The following PLCL1 variants were observed in gnomAD, a reference collection of about 807,000 sequenced individuals.
PLCL1 encodes the protein inactive phospholipase C-like protein 1.
A neutral mutation model predicts 84.4 loss-of-function variants in PLCL1; 41 were observed. The ratio of observed to expected loss-of-function variants is 0.49; its 90% CI spans 0.38 to 0.63. The LOEUF (loss-of-function observed/expected upper bound fraction) is 0.63, where lower values mean the gene tolerates loss of function less well. PLCL1 is among the 30% of genes least tolerant of loss of function. PLCL1 has a pLI of 0.00. For synonymous variants in PLCL1, 490 were observed against 488.3 expected (o/e 1.00, Z -0.05); for missense variants, 1,206 against 1,367.8 (o/e 0.88, Z 1.87).
intron 1 of PLCL1, among the ~76,000 whole-genome samples, chr2:197,825,513 G>C (rs1236126678): frequency 2.0e-5 from 3 of 152,112 alleles, no homozygotes; most frequent in Non-Finnish European, 4.4e-5. Flanking sequence ...GACTTTTCTT[G>C]CATCTTCTGT....
intron 5 of PLCL1, among the ~76,000 whole-genome samples, chr2:198,137,139 T>TA (rs796673841): frequency 1.2e-4 from 18 of 151,958 alleles, no homozygotes; most frequent in African/African-American, 3.4e-4. Flanking sequence ...CTAAATTAAA[T>TA]AAAAAAACAC....
At chr2:197,822,953 T>G (rs1690848464) in intron 1 of PLCL1, among the ~76,000 whole-genome samples, 1 of 152,220 alleles carries the variant, frequency 6.6e-6, no homozygotes, top group South Asian at 2.1e-4. Flanking sequence ...AAAGGTAGGC[T>G]TGATATGGCA....
At chr2:198,097,811 A>C (rs1693238066) in intron 3 of PLCL1, among the ~76,000 whole-genome samples, 1 of 152,190 alleles carries the variant, frequency 6.6e-6, no homozygotes, top group African/African-American at 2.4e-5. Flanking sequence ...TGTTGCATAC[A>C]CCAAAGGCAG....
intron 4 of PLCL1, 26 bp downstream of exon 4, chr2:198,101,386 G>T (rs1295723142): frequency 1.4e-4 from 159 of 1,104,804 alleles, no homozygotes; most frequent in East Asian, 8.6e-4. Context: ...TTTTTTTTCT[G>T]TTTTTTTTTT....
Position 197,804,703 on chromosome 2 carries a change from T to A in PLCL1, c.-397T>A, listed in dbSNP as rs1690427307. The A allele has an allele frequency of 6.3e-6, 1 of 158,242 alleles. No individual in the cohort carries two copies. 9.8% of individuals were successfully genotyped at this position (158,242 alleles called of 1,614,324 possible). ...CGCAGTCGCCCGGCTCTGGCCCCTA[T>A]CGGGCCGCCGGCGTCCGGGCTCCAG... On this transcript the variant is annotated 5_prime_UTR_variant, in exon 1 of 6. Transcript: ENST00000428675.
At chr2:198,079,398 T>C (rs1692655584) in intron 1 of PLCL1, among the ~76,000 whole-genome samples, 1 of 151,992 alleles carries the variant, frequency 6.6e-6, no homozygotes, top group Non-Finnish European at 1.5e-5. Context: ...AACAGTGTTG[T>C]AGAAAATAAT....
At chr2:198,146,026 C>T (rs539630827) in intron 5 of PLCL1, among the ~76,000 whole-genome samples, 114 of 152,276 alleles carry the variant, frequency 7.5e-4, no homozygotes, top group African/African-American at 2.4e-3. Flanking sequence ...TATCAGTATA[C>T]GCACTTTATC....
At chr2:198,028,731 C>T (rs150188910) in intron 1 of PLCL1, among the ~76,000 whole-genome samples, 1 of 152,120 alleles carries the variant, frequency 6.6e-6, no homozygotes, top group Non-Finnish European at 1.5e-5. Flanking sequence ...TCACCAAGTT[C>T]TCTAGCTTTT....
In PLCL1 at chr2:198,132,484, T is replaced by C. The variant is rs539853859; in HGVS notation, c.3106-14296T>C. On this transcript the variant is annotated intron_variant, in intron 5 of 5. Transcript: ENST00000428675. ...GGGGGGGAGTCCACATATTCAAAGT[T>C]CTAAGAAATCTCAACTACTGACATA... Among the ~76,000 whole-genome samples, 8 of 152,206 alleles carry C rather than the reference T, an allele frequency of 5.3e-5. No individual in the cohort carries two copies. The South Asian group carries it at 1.7e-3, about 32-fold the overall frequency.
At chr2:198,055,329 C>CTCTCTCTCTCTCTCTGTGTG (rs374518934) in intron 1 of PLCL1, among the ~76,000 whole-genome samples, 1 of 112,270 alleles carries the variant, frequency 8.9e-6, no homozygotes, top group African/African-American at 3.5e-5. Flanking sequence ...CTCTCTCTCT[C>CTCTCTCTCTCTCTCTGTGTG]TGTGTGTGTG....
intron 1 of PLCL1, among the ~76,000 whole-genome samples, chr2:197,838,509 A>C (rs908342408): frequency 2.0e-5 from 3 of 152,218 alleles, no homozygotes; most frequent in African/African-American, 7.2e-5. Flanking sequence ...TTAACTTGAA[A>C]AGTACTGGAT....
intron 5 of PLCL1, among the ~76,000 whole-genome samples, chr2:198,146,302 G>T (rs572628075): frequency 6.6e-6 from 1 of 152,252 alleles, no homozygotes; most frequent in African/African-American, 2.4e-5. Context: ...CCAAGCATAA[G>T]GGTATGTGAC....
At position 198,147,499 on chromosome 2, in the gene PLCL1, T is replaced by A. The variant is rs1574346824; in HGVS notation, c.*537T>A. 6.6e-6 allele frequency: 1 copy of A among 152,174 alleles called. No homozygotes were observed. Among genetic ancestry groups the A allele is most frequent in the Admixed American group, 6.6e-5 (1 of 15,254 alleles). The allele number at this position is 152,174 out of a possible 1,614,324, so 9.4% of individuals were successfully genotyped here. The stretch of plus-strand genomic sequence containing the variant: ...ATGTTTTGGTAGATTAAATATAGAT[T>A]AGAAAAATTCCTAAGAATCAGAGTA... On this transcript the variant is annotated 3_prime_UTR_variant, in exon 6 of 6. Coordinates refer to ENST00000428675, the MANE Select transcript of PLCL1 (RefSeq NM_006226.4).
chr2:197,880,204 G>C lies in PLCL1; in HGVS notation c.240+74865G>C, dbSNP rs148592146. Among the ~76,000 whole-genome samples, 28 of 152,262 alleles carry C rather than the reference G, an allele frequency of 1.8e-4. 1 individual carries two copies. In the East Asian group the frequency reaches 5.4e-3, roughly 29 times the overall value. On this transcript the variant is annotated intron_variant, in intron 1 of 5. Transcript: ENST00000428675. Reference sequence around the variant, plus strand: ...TTTTGGCAGTGCTTATGTATGAGCAGAGCAGTGATCTAATGATTATGAAAT... The same window carrying C: ...TTTTGGCAGTGCTTATGTATGAGCACAGCAGTGATCTAATGATTATGAAAT...
intron 1 of PLCL1, among the ~76,000 whole-genome samples, chr2:198,066,529 A>G (rs1692323711): frequency 6.6e-6 from 1 of 152,144 alleles, no homozygotes; most frequent in African/African-American, 2.4e-5. Flanking sequence ...CTCTCTTGCA[A>G]TCACCAAGTG....
intron 1 of PLCL1, among the ~76,000 whole-genome samples, chr2:197,992,716 C>T (rs1359943252): frequency 2.0e-5 from 3 of 152,134 alleles, no homozygotes; most frequent in Non-Finnish European, 4.4e-5. Context: ...TTTGCTCCTC[C>T]CTCCAGCTCC....
At chr2:198,121,657 T>C (rs993452208) in intron 5 of PLCL1, among the ~76,000 whole-genome samples, 17 of 152,026 alleles carry the variant, frequency 1.1e-4, no homozygotes. Flanking sequence ...TCTGTTCCAT[T>C]GGTCGATATG....
chr2:198,085,267 G>A lies in PLCL1; in HGVS notation c.1750G>A (p.Glu584Lys). ...GEQKQIRLCR[E>K]LSDLVSICKS... Reference sequence around the variant, plus strand: ...GCAGAAGCAAATCCGACTCTGTAGGGAGCTCTCTGATTTGGTGTCTATTTG... The same window carrying A: ...GCAGAAGCAAATCCGACTCTGTAGGAAGCTCTCTGATTTGGTGTCTATTTG... Residue 584 changes from glutamate to lysine, a missense_variant, in exon 2 of 6, where the codon GAG becomes AAG. Transcript: ENST00000428675. This position sits in a 1 kb window ranked among gnomAD's most constrained non-coding sequence, Gnocchi z 5.3. 1.9e-6 allele frequency: 3 copies of A among 1,614,020 alleles called. No homozygotes were observed. Among genetic ancestry groups the A allele is most frequent in the Middle Eastern group, 1.7e-4 (1 of 6,056 alleles).
rs184094894 is a variant in PLCL1 at position 198,063,168 on chromosome 2, G to C, written c.241-20590G>C. On this transcript the variant is annotated intron_variant, in intron 1 of 5. Coordinates refer to ENST00000428675, the MANE Select transcript of PLCL1 (RefSeq NM_006226.4). ...AGTACTTAATACTATACTTTACTGA[G>C]TTTTTTCCTCTTTATTTTCAATTTT... Among the ~76,000 whole-genome samples the C allele has an allele frequency of 2.8e-3, 404 of 145,830 alleles. 1 individual carries two copies. The highest frequency in any genetic ancestry group is 0.011 in the African/African-American group (394 of 35,808).
Sources: allele counts gnomAD v4.1 joint callset (sites outside exome capture counted in the v4.1 genomes callset), GRCh38; gene constraint gnomAD v4.1.1; non-coding constraint Gnocchi (gnomAD v3.1); transcripts MANE v1.5; gene names NCBI Gene and HGNC (gene_info 2026-07-23, HGNC 2026-07-21).